PHACTR4: variants seen among roughly 807,000 people sequenced by gnomAD.
The protein encoded by PHACTR4 is phosphatase and actin regulator 4.
A neutral mutation model predicts 72.7 loss-of-function variants in PHACTR4; 51 were observed. That is an observed-to-expected ratio of 0.70 (90% CI 0.56 to 0.89). The LOEUF (loss-of-function observed/expected upper bound fraction) is 0.89. Among genes scored for constraint, PHACTR4 ranks in the 40% least tolerant of loss-of-function variants. PHACTR4 has a pLI of 0.00. For missense variants in PHACTR4, 731 were observed against 861.8 expected (o/e 0.85, Z 1.90); for synonymous variants, 255 against 302.5 (o/e 0.84, Z 1.63).
intron 2 of PHACTR4, among the ~76,000 whole-genome samples, chr1:28,421,467 T>C (rs983974897): frequency 6.6e-6 from 1 of 152,140 alleles, no homozygotes; most frequent in Non-Finnish European, 1.5e-5. Flanking sequence ...TATCAGATTG[T>C]AATCTATAGC....
At chr1:28,397,943 G>T (rs1653644050) in intron 1 of PHACTR4, among the ~76,000 whole-genome samples, 1 of 151,886 alleles carries the variant, frequency 6.6e-6, no homozygotes, top group African/African-American at 2.4e-5. Flanking sequence ...TTGATCTCCT[G>T]ACCTCATGAT....
intron 2 of PHACTR4, among the ~76,000 whole-genome samples, chr1:28,454,207 C>T (rs1442105527): frequency 2.6e-5 from 4 of 151,368 alleles, no homozygotes; most frequent in Non-Finnish European, 1.5e-5. Context: ...TTGTATATAC[C>T]TCATAACAGC....
chr1:28,387,344 C>T (rs1345328433), intron 1 of PHACTR4, among the ~76,000 whole-genome samples: 2 of 151,770 alleles, frequency 1.3e-5, no homozygotes, highest in African/African-American at 4.8e-5. Context: ...GGGAGGATTC[C>T]AAGAGATAAT....
intron 1 of PHACTR4, among the ~76,000 whole-genome samples, chr1:28,403,942 T>G (rs1557790815): frequency 6.6e-6 from 1 of 152,236 alleles, no homozygotes; most frequent in Non-Finnish European, 1.5e-5. Context: ...CCCGTTGTAT[T>G]AATTTTGTTT....
chr1:28,476,127 AG>A lies in PHACTR4; in HGVS notation c.1444del (p.Glu482SerfsTer12). On this transcript the variant is annotated frameshift_variant, in exon 8 of 14. Transcript: ENST00000373839. LOFTEE classifies it high-confidence loss of function. ...MLKVPDDEEE[E>X]EQTCPSTFSE... Reference sequence around the variant, plus strand: ...GTTAGTCCAGACGATGAAGAAGAAGAGGAGCAAACCTGTCCATCCACATTCA... The same window carrying A: ...GTTAGTCCAGACGATGAAGAAGAAGAGAGCAAACCTGTCCATCCACATTCA... 6.2e-7 allele frequency: 1 copy of A among 1,604,486 alleles called. No homozygotes were observed.
chr1:28,400,368 A>G (rs1018249647), intron 1 of PHACTR4, among the ~76,000 whole-genome samples: 4 of 133,234 alleles, frequency 3.0e-5, no homozygotes, highest in African/African-American at 1.3e-4. Flanking sequence ...GCAAGACTCC[A>G]TCTCAATTAA....
In PHACTR4 at chr1:28,499,339, T is replaced by C. The variant is rs1316313684; in HGVS notation, c.*2790T>C. The C allele has an allele frequency of 6.6e-6, 1 of 152,036 alleles. No homozygotes were observed. The highest frequency in any genetic ancestry group is 1.5e-5 in the Non-Finnish European group (1 of 68,072). 9.4% of individuals were successfully genotyped at this position (152,036 alleles called of 1,614,324 possible). On this transcript the variant is annotated 3_prime_UTR_variant, in exon 14 of 14. Coordinates refer to ENST00000373839, the MANE Select transcript of PHACTR4 (RefSeq NM_001048183.3). ...TAGTAGAGATGAGGTTTCTCCATGTTGGTCAGGCTGGTCTCAAACTCCCGA... is the reference window on the plus strand; with the variant it reads ...TAGTAGAGATGAGGTTTCTCCATGTCGGTCAGGCTGGTCTCAAACTCCCGA...
chr1:28,427,079 A>C (rs948472598), intron 2 of PHACTR4, among the ~76,000 whole-genome samples: 2 of 152,172 alleles, frequency 1.3e-5, no homozygotes, highest in African/African-American at 4.8e-5. Flanking sequence ...TAGTGGCCAC[A>C]GTATTGGACA....
intron 9 of PHACTR4, among the ~76,000 whole-genome samples, chr1:28,486,239 C>T (rs1056963735): frequency 2.0e-5 from 3 of 151,972 alleles, no homozygotes; most frequent in African/African-American, 7.2e-5. Context: ...GCCTGTAATC[C>T]CAGCTACTTG....
chr1:28,413,464 C>A (rs1176695002), intron 2 of PHACTR4, among the ~76,000 whole-genome samples: 1 of 152,160 alleles, frequency 6.6e-6, no homozygotes, highest in Non-Finnish European at 1.5e-5. Context: ...GTTTCCTAAA[C>A]CCTCATGTCT....
intron 1 of PHACTR4, among the ~76,000 whole-genome samples, chr1:28,373,418 G>C (rs1651399430): frequency 6.6e-6 from 1 of 152,082 alleles, no homozygotes. Flanking sequence ...AGCCTCCTGA[G>C]TAGCTGGGAT....
At chr1:28,393,680 TACAC>T (rs146829996) in intron 1 of PHACTR4, among the ~76,000 whole-genome samples, 7 of 151,152 alleles carry the variant, frequency 4.6e-5, no homozygotes, top group African/African-American at 1.5e-4. Flanking sequence ...GTATTCCTTC[TACAC>T]ACACACACAC....
chr1:28,419,310 A>G (rs927634530), intron 2 of PHACTR4, among the ~76,000 whole-genome samples: 47 of 152,066 alleles, frequency 3.1e-4, no homozygotes, highest in African/African-American at 1.1e-3. Flanking sequence ...TGATATGTCA[A>G]ATCTATAAAT....
In PHACTR4 at chr1:28,491,005, C is replaced by G. The variant is rs1317855654; in HGVS notation, c.1871C>G (p.Thr624Ser). The G allele has an allele frequency of 6.2e-7, 1 of 1,613,412 alleles. No homozygotes were observed. The highest frequency in any genetic ancestry group is 1.1e-5 in the South Asian group (1 of 91,068). ...AEKREIKRRL[T>S]RKLSQRPTVA... is the part of the protein sequence containing the mutation. ...AAACGAGAAATTAAACGTCGGCTCA[C>G]TAGAAAGGTACTACTGCCTGTGTGT... Residue 624 changes from threonine (T) to serine (S), a missense_variant, in exon 11 of 14, where the codon ACT (threonine) becomes AGT (serine). Physicochemically the swap from Thr to Ser is moderately conservative, Grantham distance 58. Around this residue, in one of 2 missense-constraint regions of PHACTR4, gnomAD observed 110 missense variants for 185.2 expected, o/e 0.59. Coordinates refer to ENST00000373839, the MANE Select transcript of PHACTR4 (RefSeq NM_001048183.3).
chr1:28,419,668 ATGCT>A (rs1454193583), intron 2 of PHACTR4, among the ~76,000 whole-genome samples: 1 of 152,160 alleles, frequency 6.6e-6, no homozygotes, highest in African/African-American at 2.4e-5. Flanking sequence ...CGAAAATGAT[ATGCT>A]TGCTTATCTT....
intron 10 of PHACTR4, 33 bp from the exon 11 acceptor site, chr1:28,490,918 G>A (rs1342926562): frequency 6.3e-7 from 1 of 1,590,976 alleles, no homozygotes; most frequent in African/African-American, 1.3e-5. Context: ...TCATTTGTGA[G>A]TAATATTCCT....
Position 28,446,721 on chromosome 1 carries a change from G to A in PHACTR4, c.17-12364G>A, listed in dbSNP as rs980148757. Among the ~76,000 whole-genome samples the A allele has an allele frequency of 9.9e-5, 15 of 152,162 alleles. 1 individual carries two copies. The South Asian group carries it at 1.2e-3, about 13-fold the overall frequency. ...TTGAACCCTGGAGGCGGAGGTTGTC[G>A]TGAGCCAGGATTGCGCCACTGTACT... On this transcript the variant is annotated intron_variant, in intron 2 of 13. Coordinates refer to ENST00000373839, the MANE Select transcript of PHACTR4 (RefSeq NM_001048183.3).
At chr1:28,439,077 A>G (rs1378699404) in intron 2 of PHACTR4, among the ~76,000 whole-genome samples, 1 of 152,230 alleles carries the variant, frequency 6.6e-6, no homozygotes, top group Non-Finnish European at 1.5e-5. Context: ...TGTCACTGCA[A>G]GCTCATTTTC....
intron 2 of PHACTR4, among the ~76,000 whole-genome samples, chr1:28,407,790 A>G (rs914795609): frequency 6.6e-6 from 1 of 152,256 alleles, no homozygotes; most frequent in Non-Finnish European, 1.5e-5. Flanking sequence ...AAAAAAATCA[A>G]GAACCATTTG....
Sources: allele counts gnomAD v4.1 joint callset (sites outside exome capture counted in the v4.1 genomes callset), GRCh38; gene constraint gnomAD v4.1.1; regional missense constraint gnomAD v4.1.1; transcripts MANE v1.5; gene names NCBI Gene and HGNC (gene_info 2026-07-23, HGNC 2026-07-21).